ARHGAP12: variants seen among roughly 807,000 people sequenced by gnomAD.
ARHGAP12 encodes rho GTPase-activating protein 12.
ARHGAP12 carries 64 observed loss-of-function variants against 108.6 expected under a neutral mutation model. The observed-to-expected ratio is 0.59, with a 90% CI of 0.48 to 0.73. The LOEUF is 0.73. Ranked by LOEUF, ARHGAP12 falls within the 30% of genes least tolerant of loss-of-function variation. The pLI is 0.00. For missense variants in ARHGAP12, 940 were observed against 1,005.9 expected, an observed-to-expected ratio of 0.93 and a Z score of 0.89; for synonymous variants, 312 against 337.2, an observed-to-expected ratio of 0.93 and a Z score of 0.82.
At chr10:31,823,439 C>T (rs565470728) in intron 11 of ARHGAP12, among the ~76,000 whole-genome samples, 1 of 149,504 alleles carries the variant, frequency 6.7e-6, no homozygotes, top group South Asian at 2.1e-4. Context: ...AGCCTACGTG[C>T]ATTTCATTTA....
chr10:31,858,607 A>G (rs886092820), intron 4 of ARHGAP12, among the ~76,000 whole-genome samples: 65 of 152,144 alleles, frequency 4.3e-4, no homozygotes, highest in African/African-American at 1.4e-3. Flanking sequence ...CACGTCTCCC[A>G]TTGTGACAAC....
intron 6 of ARHGAP12, among the ~76,000 whole-genome samples, chr10:31,850,273 T>C (rs1281276100): frequency 6.6e-6 from 1 of 152,206 alleles, no homozygotes; most frequent in Admixed American, 6.5e-5. Flanking sequence ...CTAAATCGTT[T>C]TCAGTGAACT....
chr10:31,900,963 C>T lies in ARHGAP12; in HGVS notation c.684+7209G>A, dbSNP rs147661968. Among the ~76,000 whole-genome samples, 14 of 152,258 alleles carry T rather than the reference C, an allele frequency of 9.2e-5. No individual in the cohort carries two copies. The East Asian group carries it at 9.6e-4, about 10-fold the overall frequency. On this transcript the variant is annotated intron_variant, in intron 3 of 19. Coordinates refer to ENST00000344936, the MANE Select transcript of ARHGAP12 (RefSeq NM_018287.7). ...GGTCTCAGCAGCTCAAGCCTGTAATCCCAGCACTTTGAGAGGCTGAGGCGG... is the reference window on the plus strand; with the variant it reads ...GGTCTCAGCAGCTCAAGCCTGTAATTCCAGCACTTTGAGAGGCTGAGGCGG...
At chr10:31,919,226 C>A (rs974772808) in intron 1 of ARHGAP12, among the ~76,000 whole-genome samples, 1 of 152,102 alleles carries the variant, frequency 6.6e-6, no homozygotes, top group Non-Finnish European at 1.5e-5. Flanking sequence ...TGGAGAAAGA[C>A]AGCAACAGGA....
chr10:31,805,913 G>A lies in ARHGAP12; in HGVS notation c.*1745C>T, dbSNP rs1188520822. The A allele has an allele frequency of 6.6e-6, 1 of 152,120 alleles. No individual in the cohort carries two copies. Among genetic ancestry groups the A allele is most frequent in the Non-Finnish European group, 1.5e-5 (1 of 68,006 alleles). The allele number at this position is 152,120 out of a possible 1,614,324, so 9.4% of individuals were successfully genotyped here. On this transcript the variant is annotated 3_prime_UTR_variant, in exon 20 of 20. Coordinates refer to ENST00000344936, the MANE Select transcript of ARHGAP12 (RefSeq NM_018287.7). ...CGAAACAATCTGCTTTAGCTATCAA[G>A]TAGTTTGGTTTGTTATCAATTTAAC... is the stretch of plus-strand genomic sequence containing the variant.
intron 4 of ARHGAP12, among the ~76,000 whole-genome samples, chr10:31,858,239 GA>G (rs1836960552): frequency 6.6e-6 from 1 of 152,028 alleles, no homozygotes; most frequent in Non-Finnish European, 1.5e-5. Context: ...GACAGAAGAA[GA>G]AAATGTGAGA....
rs143071191 is a variant in ARHGAP12, at chr10:31,831,127, C to T, written c.1448+612G>A. ...CAAAAATGATAAACAACTGACATGT[C>T]TACCAATAGACAAGTGTAGTTTAAA... is the stretch of plus-strand genomic sequence containing the variant. On this transcript the variant is annotated intron_variant, in intron 10 of 19. Transcript: ENST00000344936. 1.5e-3 allele frequency among the ~76,000 whole-genome samples: 225 copies of T among 152,250 alleles called. 6 individuals carry two copies. In the East Asian group the frequency reaches 0.04, roughly 27 times the overall value.
intron 9 of ARHGAP12, among the ~76,000 whole-genome samples, chr10:31,835,133 G>A (rs1835964205): frequency 6.6e-6 from 1 of 151,754 alleles, no homozygotes; most frequent in South Asian, 2.1e-4. Flanking sequence ...GGGAGGCGGA[G>A]GTTGCAGTGA....
At chr10:31,908,036 A>C (rs1372918738) in intron 3 of ARHGAP12, 136 bp downstream of exon 3, 17 of 790,926 alleles carry the variant, frequency 2.1e-5, no homozygotes, top group Non-Finnish European at 3.2e-5. Context: ...TAGATCTCTA[A>C]ATCAGGATAG....
At chr10:31,903,978 G>A (rs949124151) in intron 3 of ARHGAP12, among the ~76,000 whole-genome samples, 6 of 152,196 alleles carry the variant, frequency 3.9e-5, no homozygotes, top group Non-Finnish European at 5.9e-5. Flanking sequence ...GTGAGCACGC[G>A]GAGGAACTGG....
At chr10:31,877,893 AC>A (rs1328870244) in intron 3 of ARHGAP12, among the ~76,000 whole-genome samples, 2 of 152,266 alleles carry the variant, frequency 1.3e-5, no homozygotes, top group South Asian at 4.1e-4. Context: ...GCAGTTTGAG[AC>A]CAGCCTGGGG....
chr10:31,878,109 T>C (rs1837802986), intron 3 of ARHGAP12, among the ~76,000 whole-genome samples: 1 of 152,132 alleles, frequency 6.6e-6, no homozygotes, highest in Admixed American at 6.6e-5. Context: ...AAAGTGATGA[T>C]TAAGCTGCAC....
intron 3 of ARHGAP12, among the ~76,000 whole-genome samples, chr10:31,900,603 C>A (rs1479099729): frequency 6.6e-6 from 1 of 152,150 alleles, no homozygotes; most frequent in Non-Finnish European, 1.5e-5. Context: ...TCTGAAAAGG[C>A]TACCTACTGT....
At chr10:31,921,324 G>A (rs1293078809) in intron 1 of ARHGAP12, among the ~76,000 whole-genome samples, 1 of 152,126 alleles carries the variant, frequency 6.6e-6, no homozygotes, top group Non-Finnish European at 1.5e-5. Context: ...GAATGAAAAT[G>A]AAAACATGTA....
intron 3 of ARHGAP12, among the ~76,000 whole-genome samples, chr10:31,905,579 G>C (rs758677069): frequency 3.3e-5 from 5 of 152,152 alleles, no homozygotes; most frequent in Non-Finnish European, 5.9e-5. Context: ...GAAGATAAAA[G>C]ATGCTCAGAC....
At chr10:31,871,156 C>T (rs754397775) in intron 3 of ARHGAP12, among the ~76,000 whole-genome samples, 3 of 152,092 alleles carry the variant, frequency 2.0e-5, no homozygotes, top group South Asian at 2.1e-4. Context: ...GGAAAATAGG[C>T]GCAAGTCAAG....
At position 31,908,697 on chromosome 10, in the gene ARHGAP12, G is replaced by C. The variant is rs1564428014; in HGVS notation, c.159C>G (p.Val53=). 1.2e-6 allele frequency: 2 copies of C among 1,614,064 alleles called. No individual in the cohort carries two copies. Among genetic ancestry groups the C allele is most frequent in the African/African-American group, 1.3e-5 (1 of 75,022 alleles). ...VKKTNDDWWQ[V]KPDENSKAFY... ...ACGCTTTGGAGTTTTCATCTGGCTTGACTTGCCACCAGTCATCATTGGTCT... is the reference window on the plus strand; with the variant it reads ...ACGCTTTGGAGTTTTCATCTGGCTTCACTTGCCACCAGTCATCATTGGTCT... The change falls in exon 3 of 20, where the codon GTC becomes GTG. Residue 53 remains valine (V), a synonymous_variant. Transcript: ENST00000344936.
At chr10:31,873,011 C>G (rs1055427272) in intron 3 of ARHGAP12, among the ~76,000 whole-genome samples, 5 of 152,140 alleles carry the variant, frequency 3.3e-5, no homozygotes, top group Non-Finnish European at 2.9e-5. Flanking sequence ...TTCCCCTGTT[C>G]CCCAAAGGCA....
chr10:31,903,930 T>C (rs956989419), intron 3 of ARHGAP12, among the ~76,000 whole-genome samples: 2 of 152,128 alleles, frequency 1.3e-5, no homozygotes, highest in Admixed American at 1.3e-4. Context: ...CCTATCAGAA[T>C]GGCTAAAATA....
Sources: allele counts gnomAD v4.1 joint callset (sites outside exome capture counted in the v4.1 genomes callset), GRCh38; gene constraint gnomAD v4.1.1; transcripts MANE v1.5; gene names NCBI Gene and HGNC (gene_info 2026-07-23, HGNC 2026-07-21).